CEP350: variants seen among roughly 807,000 people sequenced by gnomAD.
CEP350 encodes centrosomal protein 350, also known as centrosome-associated protein 350.
In CEP350, 126 loss-of-function variants were observed where a neutral mutation model predicts 331.8. The ratio of observed to expected loss-of-function variants is 0.38; its 90% CI spans 0.33 to 0.44. The LOEUF (loss-of-function observed/expected upper bound fraction) is 0.44. CEP350 is among the 20% of genes least tolerant of loss of function. The probability of loss-of-function intolerance (pLI) is 1.00; values close to 1 mark genes in which losing one functional copy is unlikely to be tolerated. For missense variants in CEP350, 3,406 were observed against 3,634.6 expected (o/e 0.94, Z 1.62); for synonymous variants, 1,200 against 1,259.5 (o/e 0.95, Z 1.00).
At chr1:179,976,063 G>T (rs1349365646) in intron 1 of CEP350, among the ~76,000 whole-genome samples, 1 of 152,114 alleles carries the variant, frequency 6.6e-6, no homozygotes, top group Non-Finnish European at 1.5e-5. Context: ...GAGTTTTAAG[G>T]TGAAAGTTTA....
intron 14 of CEP350, among the ~76,000 whole-genome samples, chr1:180,025,070 G>A (rs1354048832): frequency 1.3e-5 from 2 of 151,946 alleles, no homozygotes; most frequent in African/African-American, 4.8e-5. Context: ...GACTACAGGC[G>A]CCCGCCACCG....
At chr1:180,081,292 C>T (rs982559019) in intron 30 of CEP350, among the ~76,000 whole-genome samples, 6 of 151,828 alleles carry the variant, frequency 4.0e-5, no homozygotes, top group Non-Finnish European at 8.8e-5. Flanking sequence ...TTTTGTTTTC[C>T]ATGTGTCAGA....
intron 1 of CEP350, among the ~76,000 whole-genome samples, chr1:179,964,417 T>C (rs1650844561): frequency 6.6e-6 from 1 of 152,098 alleles, no homozygotes; most frequent in Admixed American, 6.5e-5. Context: ...CCATTCAGTG[T>C]GATCTTGATT....
intron 21 of CEP350, among the ~76,000 whole-genome samples, chr1:180,046,444 A>G (rs1271559797): frequency 6.6e-6 from 1 of 152,140 alleles, no homozygotes; most frequent in Non-Finnish European, 1.5e-5. Context: ...ATTATATTCT[A>G]TTGCCTGGAT....
chr1:180,110,383 A>G (rs138264472), intron 37 of CEP350, among the ~76,000 whole-genome samples: 91 of 152,328 alleles, frequency 6.0e-4, no homozygotes, highest in African/African-American at 1.8e-3. Context: ...GTATGGGGGC[A>G]GCAGCAGCGA....
intron 6 of CEP350, 63 bp downstream of exon 6, chr1:179,997,238 G>A: frequency 1.3e-6 from 2 of 1,514,222 alleles, no homozygotes; most frequent in Non-Finnish European, 1.8e-6. Flanking sequence ...TCCCTAGGGT[G>A]TATTTGAATA....
intron 11 of CEP350, 24 bp from the exon 12 acceptor site, chr1:180,019,925 A>G: frequency 6.5e-7 from 1 of 1,547,128 alleles, no homozygotes; most frequent in Non-Finnish European, 8.7e-7. Context: ...TAGTTAACTA[A>G]CATATTGTGA....
chr1:179,990,387 G>GT (rs1652969790), intron 3 of CEP350, 120 bp from the exon 4 acceptor site: 3 of 441,268 alleles, frequency 6.8e-6, no homozygotes, highest in Non-Finnish European at 1.2e-5. Context: ...GGATTCCTGA[G>GT]TTTTTTTCTA....
chr1:180,036,003 A>G (rs1406627007), intron 16 of CEP350, among the ~76,000 whole-genome samples: 1 of 152,212 alleles, frequency 6.6e-6, no homozygotes, highest in African/African-American at 2.4e-5. Flanking sequence ...TGATTCGTGG[A>G]AGGAGATCAA....
chr1:180,019,327 G>A (rs1370169749), intron 11 of CEP350, among the ~76,000 whole-genome samples: 2 of 152,072 alleles, frequency 1.3e-5, no homozygotes, highest in African/African-American at 4.8e-5. Flanking sequence ...CTGTATATTT[G>A]TATTTATAGT....
intron 37 of CEP350, among the ~76,000 whole-genome samples, chr1:180,106,609 C>G (rs1039569529): frequency 6.6e-6 from 1 of 152,058 alleles, no homozygotes. Context: ...TTCTGTCACC[C>G]AGGCTGGAGT....
chr1:180,050,914 A>C (rs1209233414), intron 22 of CEP350, among the ~76,000 whole-genome samples: 1 of 152,296 alleles, frequency 6.6e-6, no homozygotes, highest in African/African-American at 2.4e-5. Flanking sequence ...GGTAACAAGG[A>C]TGCAGAGCAA....
chr1:180,048,306 C>T (rs1190869503), intron 21 of CEP350, among the ~76,000 whole-genome samples: 1 of 152,070 alleles, frequency 6.6e-6, no homozygotes, highest in Non-Finnish European at 1.5e-5. Context: ...ACAACACTGC[C>T]TATTATTATT....
intron 30 of CEP350, 44 bp downstream of exon 30, chr1:180,080,705 C>T (rs12126967): frequency 0.11 from 166,723 of 1,550,710 alleles, 10,008 homozygotes; most frequent in Middle Eastern, 0.12. Flanking sequence ...TGTATTTGAA[C>T]AGCCTTTACT....
chr1:180,038,889 CT>C (rs1347411638), intron 17 of CEP350, among the ~76,000 whole-genome samples: 7 of 152,018 alleles, frequency 4.6e-5, no homozygotes, highest in Non-Finnish European at 8.8e-5. Flanking sequence ...GTTTTAATTT[CT>C]TTCTTTTGTG....
chr1:180,084,484 C>T (rs1659743413), intron 31 of CEP350, among the ~76,000 whole-genome samples: 1 of 152,138 alleles, frequency 6.6e-6, no homozygotes, highest in South Asian at 2.1e-4. Flanking sequence ...CCTGCCTCAG[C>T]CCCCTGAGTA....
intron 8 of CEP350, 83 bp from the exon 9 acceptor site, chr1:180,011,846 A>G (rs1381361306): frequency 1.1e-6 from 1 of 892,736 alleles, no homozygotes; most frequent in Non-Finnish European, 1.7e-6. Flanking sequence ...CATAAGATTA[A>G]TAATAAAACC....
In CEP350 at chr1:180,020,399, G is replaced by T. The variant is rs778708670; in HGVS notation, c.2625G>T (p.Lys875Asn). The T allele has an allele frequency of 4.3e-6, 7 of 1,613,836 alleles. No homozygotes were observed. In the South Asian group the frequency reaches 7.7e-5, roughly 18 times the overall value. The change falls in exon 12 of 38, where the codon AAG becomes AAT. Residue 875 changes from lysine (K) to asparagine (N), a missense_variant. This residue lies in a region of CEP350 where 1,857 missense variants were observed against 1,909.2 expected (regional missense o/e 0.97). Coordinates refer to ENST00000367607, the MANE Select transcript of CEP350 (RefSeq NM_014810.5). Reference sequence around the variant, plus strand: ...CTCAAGAAGATGGACCTTGGACCAAGGCTGTAACTCCACCTGTGAAAGATG... The same window carrying T: ...CTCAAGAAGATGGACCTTGGACCAATGCTGTAACTCCACCTGTGAAAGATG... ...QAPQEDGPWT[K>N]AVTPPVKDDN...
chr1:179,968,957 C>T (rs1325400378), intron 1 of CEP350: 8 of 757,880 alleles, frequency 1.1e-5, no homozygotes, highest in Non-Finnish European at 1.9e-5. Context: ...GACTGCTTTA[C>T]TCCTGGAACC....
Sources: allele counts gnomAD v4.1 joint callset (sites outside exome capture counted in the v4.1 genomes callset), GRCh38; gene constraint gnomAD v4.1.1; regional missense constraint gnomAD v4.1.1; transcripts MANE v1.5; gene names NCBI Gene and HGNC (gene_info 2026-07-23, HGNC 2026-07-21).